WDR53: variants seen among roughly 807,000 people sequenced by gnomAD.
WDR53 encodes the protein WD repeat domain 53.
In WDR53, 19 loss-of-function variants were observed where a neutral mutation model predicts 21.3. The observed-to-expected ratio is 0.89, with a 90% CI of 0.62 to 1.31. The LOEUF (loss-of-function observed/expected upper bound fraction) is 1.31, where lower values mean the gene tolerates loss of function less well. WDR53 is among the 50% of genes most tolerant of loss of function. The probability of loss-of-function intolerance (pLI) is 0.00; values close to 1 mark genes in which losing one functional copy is unlikely to be tolerated. For synonymous variants in WDR53, 157 were observed against 163.4 expected, an observed-to-expected ratio of 0.96 and a Z score of 0.30; for missense variants, 374 against 423.2, an observed-to-expected ratio of 0.88 and a Z score of 1.02.
chr3:196,568,099 G>A (rs1735605533), intron 1 of WDR53, among the ~76,000 whole-genome samples: 1 of 152,102 alleles, frequency 6.6e-6, no homozygotes, highest in South Asian at 2.1e-4. Flanking sequence ...ATCCAGTAAA[G>A]ACCACATCTT....
At position 196,567,304 on chromosome 3, in the gene WDR53, G is replaced by A; in HGVS notation, c.-444C>T. On this transcript the variant is annotated 5_prime_UTR_variant, in exon 2 of 4. Coordinates refer to ENST00000332629, the MANE Select transcript of WDR53 (RefSeq NM_182627.3). ...AAAATGATTGAAGGGCTGTGGCGCT[G>A]GCACTGGTAAGAATGAAAAGAATTA... 2.2e-6 allele frequency: 1 copy of A among 452,582 alleles called. No homozygotes were observed. Among genetic ancestry groups the A allele is most frequent in the Non-Finnish European group, 4.4e-6 (1 of 225,268 alleles). 28.0% of individuals were successfully genotyped at this position (452,582 alleles called of 1,614,324 possible).
At chr3:196,556,286 G>A (rs147486245) in intron 3 of WDR53, among the ~76,000 whole-genome samples, 1,587 of 152,104 alleles carry the variant, frequency 0.01, 34 homozygotes, top group African/African-American at 0.035. Context: ...GGGCTCAAGC[G>A]ATCCACTCAT....
At chr3:196,557,046 A>T (rs1474940756) in intron 3 of WDR53, among the ~76,000 whole-genome samples, 1 of 152,036 alleles carries the variant, frequency 6.6e-6, no homozygotes, top group Non-Finnish European at 1.5e-5. Flanking sequence ...AGCAGTTCTC[A>T]TCCTAATCAA....
At chr3:196,561,921 G>T (rs1281958732) in intron 2 of WDR53, among the ~76,000 whole-genome samples, 1 of 152,118 alleles carries the variant, frequency 6.6e-6, no homozygotes. Context: ...TAGGGGACTG[G>T]GCAAATTACT....
At chr3:196,561,636 ACACTT>A in intron 2 of WDR53, 145 bp from the exon 3 acceptor site, 2 of 833,630 alleles carry the variant, frequency 2.4e-6, no homozygotes, top group Non-Finnish European at 3.4e-6. Flanking sequence ...AAAAAAAAAG[ACACTT>A]AAAGATCACA....
rs1172826287 is a variant in WDR53, at chr3:196,554,567, T to C, written c.721A>G (p.Thr241Ala). 13 of 1,614,078 alleles carry C rather than the reference T, an allele frequency of 8.1e-6. No homozygotes were observed. The highest frequency in any genetic ancestry group is 7.7e-5 in the South Asian group (7 of 91,076). ...CEQELGFKGH[T>A]SGVSQVCFLP... ...AAGCAGACCTGGGATACCCCTGAAG[T>C]GTGGCCCTTAAATCCCAGTTCCTGT... Residue 241 changes from threonine to alanine, a missense_variant, in exon 4 of 4, where the codon ACT (threonine) becomes GCT (alanine). Thr to Ala is a moderately conservative substitution (Grantham distance 58). Transcript: ENST00000332629.
Position 196,554,514 on chromosome 3 carries a change from A to C in WDR53, c.774T>G (p.Thr258=), listed in dbSNP as rs754096601. 6.2e-7 allele frequency: 1 copy of C among 1,614,106 alleles called. No individual in the cohort carries two copies. The highest frequency in any genetic ancestry group is 1.7e-5 in the Admixed American group (1 of 60,006). The part of the protein sequence containing the change: ...CFLPESYLLL[T]GGNDGKITLW... The stretch of plus-strand genomic sequence containing the variant: ...ACGTGATCTTCCCATCATTCCCTCC[A>C]GTAAGCAGCAAATAGGATTCTGGGA... Residue 258 remains threonine (T), a synonymous_variant, in exon 4 of 4, where the codon ACT becomes ACG. Transcript: ENST00000332629.
intron 3 of WDR53, among the ~76,000 whole-genome samples, chr3:196,556,275 T>G (rs894039400): frequency 6.6e-6 from 1 of 152,070 alleles, no homozygotes; most frequent in Non-Finnish European, 1.5e-5. Context: ...CTCCAACTGC[T>G]GGGCTCAAGC....
chr3:196,558,176 T>C (rs1734511749), intron 3 of WDR53, among the ~76,000 whole-genome samples: 1 of 152,082 alleles, frequency 6.6e-6, no homozygotes, highest in Non-Finnish European at 1.5e-5. Flanking sequence ...ACACTTTGCT[T>C]TTAGGGTCCC....
At chr3:196,564,395 CTT>C (rs1553872894) in intron 2 of WDR53, among the ~76,000 whole-genome samples, 2 of 135,908 alleles carry the variant, frequency 1.5e-5, no homozygotes, top group Non-Finnish European at 1.6e-5. Flanking sequence ...TTTCTTTTTT[CTT>C]TTTTTTTTTT....
intron 3 of WDR53, among the ~76,000 whole-genome samples, chr3:196,559,119 C>T (rs1400889312): frequency 6.6e-6 from 1 of 152,190 alleles, no homozygotes; most frequent in African/African-American, 2.4e-5. Flanking sequence ...GTTAATGAAC[C>T]ACTGATGGAA....
chr3:196,561,581 T>C, intron 2 of WDR53, 90 bp from the exon 3 acceptor site: 1 of 1,276,038 alleles, frequency 7.8e-7, no homozygotes, highest in Non-Finnish European at 1.0e-6. Context: ...TTTCATCTTT[T>C]AAAATGTTTT....
At chr3:196,557,103 T>C (rs752614033) in intron 3 of WDR53, among the ~76,000 whole-genome samples, 5 of 152,250 alleles carry the variant, frequency 3.3e-5, no homozygotes, top group African/African-American at 1.2e-4. Context: ...TTGGGGCTTA[T>C]GGTTCTGCAA....
chr3:196,554,614 C>T lies in WDR53; in HGVS notation c.674G>A (p.Arg225Gln), dbSNP rs776077691. 17 of 1,613,936 alleles carry T rather than the reference C, an allele frequency of 1.1e-5. No homozygotes were observed. Among genetic ancestry groups the T allele is most frequent in the South Asian group, 6.6e-5 (6 of 91,072 alleles). ...CTGTTCACACTTAACTCCCATCACC[C>T]GAAAGATTCGAACCTTACCATCTTC... is the stretch of plus-strand genomic sequence containing the variant. ...GAEDGKVRIFRVMGVKCEQEL... is the reference protein window; with the variant it reads ...GAEDGKVRIFQVMGVKCEQEL... Residue 225 changes from arginine (R) to glutamine (Q), a missense_variant, in exon 4 of 4, where the codon CGG (arginine) becomes CAG (glutamine). Physicochemically the swap from Arg to Gln is conservative, Grantham distance 43. Coordinates refer to ENST00000332629, the MANE Select transcript of WDR53 (RefSeq NM_182627.3).
In WDR53 at chr3:196,565,573, G is replaced by A. The variant is rs1416430663; in HGVS notation, c.-17+1304C>T. Reference sequence around the variant, plus strand: ...AGAGTCGGGGTGAGGGGGCAGGGGGGAGTTTGGAAAGCCCCAGAAACAGAA... The same window carrying A: ...AGAGTCGGGGTGAGGGGGCAGGGGGAAGTTTGGAAAGCCCCAGAAACAGAA... On this transcript the variant is annotated intron_variant, in intron 2 of 3. Transcript: ENST00000332629. Among the ~76,000 whole-genome samples the A allele has an allele frequency of 2.0e-5, 3 of 150,478 alleles. No homozygotes were observed. The South Asian group carries it at 6.5e-4, about 33-fold the overall frequency.
At chr3:196,567,751 T>TTGTATGTGTGTG (rs1553873531) in intron 1 of WDR53, among the ~76,000 whole-genome samples, 1 of 143,570 alleles carries the variant, frequency 7.0e-6, no homozygotes, top group Non-Finnish European at 1.5e-5. Flanking sequence ...GCTGAAATTC[T>TTGTATGTGTGTG]TGTGTGTGTG....
chr3:196,558,797 A>G (rs984351001), intron 3 of WDR53, among the ~76,000 whole-genome samples: 1 of 152,242 alleles, frequency 6.6e-6, no homozygotes, highest in African/African-American at 2.4e-5. Context: ...ATAATTATAG[A>G]GTTTCAACTT....
intron 2 of WDR53, among the ~76,000 whole-genome samples, chr3:196,564,233 T>C (rs765760945): frequency 6.6e-6 from 1 of 152,110 alleles, no homozygotes; most frequent in Non-Finnish European, 1.5e-5. Context: ...CAGATAAACC[T>C]AGATTTTAAA....
intron 3 of WDR53, among the ~76,000 whole-genome samples, chr3:196,557,014 T>C (rs1734379571): frequency 6.6e-6 from 1 of 152,086 alleles, no homozygotes. Flanking sequence ...GTTTCACACT[T>C]AATTTCTCAA....
Sources: gnomAD v4.1 joint callset for allele counts (sites outside exome capture counted in the v4.1 genomes callset) on GRCh38, gnomAD v4.1.1 for gene constraint, MANE v1.5 for transcripts, NCBI Gene and HGNC (gene_info 2026-07-23, HGNC 2026-07-21) for gene names.